RORA: variants seen among roughly 807,000 people sequenced by gnomAD.
RORA encodes RAR related orphan receptor A.
RORA carries 7 observed loss-of-function variants against 69.5 expected under a neutral mutation model. The observed-to-expected ratio is 0.10, with a 90% CI of 0.06 to 0.19. The LOEUF (loss-of-function observed/expected upper bound fraction) is 0.19. RORA is among the 10% of genes least tolerant of loss of function. The pLI, the probability that RORA is intolerant of heterozygous loss-of-function variation, is 1.00. For missense variants in RORA, 457 were observed against 663.0 expected (o/e 0.69, Z 3.41); for synonymous variants, 261 against 240.8 (o/e 1.08, Z -0.78).
At chr15:60,929,021 C>A (rs1228050584) in intron 1 of RORA, among the ~76,000 whole-genome samples, 14 of 152,020 alleles carry the variant, frequency 9.2e-5, no homozygotes, top group Non-Finnish European at 1.8e-4. Flanking sequence ...CACTTGTGTG[C>A]CCCGCTCCCA....
chr15:61,167,360 GTTAC>G (rs2079547139), intron 1 of RORA, among the ~76,000 whole-genome samples: 2 of 151,996 alleles, frequency 1.3e-5, no homozygotes, highest in African/African-American at 2.4e-5. Flanking sequence ...ACAATTTTGA[GTTAC>G]TTAAAGAATG....
chr15:61,122,227 T>G (rs1440283121), intron 1 of RORA, among the ~76,000 whole-genome samples: 1 of 152,180 alleles, frequency 6.6e-6, no homozygotes, highest in African/African-American at 2.4e-5. Context: ...CCACATTATT[T>G]CTTCACTCCC....
intron 1 of RORA, among the ~76,000 whole-genome samples, chr15:60,688,606 AGTGAAAGT>A (rs2070780298): frequency 6.6e-6 from 1 of 152,202 alleles, no homozygotes; most frequent in South Asian, 2.1e-4. Flanking sequence ...TGAAGTCTGA[AGTGAAAGT>A]GTGATAGCAT....
chr15:60,638,496 G>A (rs2069881144), intron 2 of RORA, among the ~76,000 whole-genome samples: 2 of 150,170 alleles, frequency 1.3e-5, no homozygotes, highest in Admixed American at 6.7e-5. Flanking sequence ...GAAGTGCAAA[G>A]TTACAAAAAG....
chr15:60,874,947 A>G (rs1160957269), intron 1 of RORA, among the ~76,000 whole-genome samples: 1 of 152,202 alleles, frequency 6.6e-6, no homozygotes, highest in Non-Finnish European at 1.5e-5. Flanking sequence ...CCAGGTAAAC[A>G]TTTATCAGGG....
intron 2 of RORA, among the ~76,000 whole-genome samples, chr15:60,580,192 A>G (rs1255663269): frequency 3.3e-5 from 5 of 152,190 alleles, no homozygotes; most frequent in Admixed American, 6.5e-5. Flanking sequence ...GGCATTTTGG[A>G]GTACACATGA....
chr15:61,064,166 C>A (rs2078224964), intron 1 of RORA, among the ~76,000 whole-genome samples: 1 of 152,104 alleles, frequency 6.6e-6, no homozygotes, highest in Non-Finnish European at 1.5e-5. Flanking sequence ...TGTAATTAGC[C>A]CTCTGCCTAC....
intron 1 of RORA, among the ~76,000 whole-genome samples, chr15:60,845,810 G>A (rs1460064744): frequency 6.6e-6 from 1 of 152,136 alleles, no homozygotes; most frequent in Non-Finnish European, 1.5e-5. Context: ...GCAGTGGTGC[G>A]ATCTCCGCTC....
chr15:61,139,708 A>G (rs1428697784), intron 1 of RORA, among the ~76,000 whole-genome samples: 1 of 152,180 alleles, frequency 6.6e-6, no homozygotes, highest in Non-Finnish European at 1.5e-5. Flanking sequence ...TCTTAATGAA[A>G]TCGAGAGAGT....
At chr15:60,811,155 A>G (rs2072738098) in intron 1 of RORA, among the ~76,000 whole-genome samples, 1 of 152,184 alleles carries the variant, frequency 6.6e-6, no homozygotes, top group Non-Finnish European at 1.5e-5. Flanking sequence ...CACACTACCC[A>G]AAGGATAATT....
At position 60,816,604 on chromosome 15, in the gene RORA, A is replaced by G. The variant is rs551175065; in HGVS notation, c.167-137918T>C. On this transcript the variant is annotated intron_variant, in intron 1 of 10. Coordinates refer to ENST00000335670, the MANE Select transcript of RORA (RefSeq NM_134261.3). The stretch of plus-strand genomic sequence containing the variant: ...TACTGTAAACAGTATATGTATTTAT[A>G]TACTGTAAACAGTATATATTTTATA... Among the ~76,000 whole-genome samples the G allele has an allele frequency of 1.2e-4, 18 of 147,682 alleles. 1 individual carries two copies. The highest frequency in any genetic ancestry group is 1.0e-3 in the Admixed American group (15 of 14,620).
chr15:60,808,236 C>A (rs1362141624), intron 1 of RORA, among the ~76,000 whole-genome samples: 2 of 152,018 alleles, frequency 1.3e-5, no homozygotes, highest in East Asian at 3.8e-4. Flanking sequence ...ACAATCCCAT[C>A]AAAAAGTGGG....
intron 1 of RORA, among the ~76,000 whole-genome samples, chr15:60,968,817 A>G (rs1005548800): frequency 2.6e-5 from 4 of 152,210 alleles, no homozygotes; most frequent in African/African-American, 9.6e-5. Flanking sequence ...GCATCAGTAC[A>G]TTACAACCAC....
chr15:60,758,021 G>T (rs2071827358), intron 1 of RORA, among the ~76,000 whole-genome samples: 2 of 152,158 alleles, frequency 1.3e-5, no homozygotes, highest in South Asian at 4.1e-4. Context: ...TCCAAGACAG[G>T]ATCTTCCAAT....
chr15:61,168,717 C>A (rs540383308), intron 1 of RORA, among the ~76,000 whole-genome samples: 7 of 152,258 alleles, frequency 4.6e-5, no homozygotes, highest in African/African-American at 1.7e-4. Flanking sequence ...GTTCCCCTCA[C>A]CAGGAGTCTG....
In RORA at chr15:61,131,377, C is replaced by G. The variant is rs2079188418; in HGVS notation, c.166+97676G>C. Among the ~76,000 whole-genome samples, 2 of 152,262 alleles carry G rather than the reference C, an allele frequency of 1.3e-5. No individual in the cohort carries two copies. The highest frequency in any genetic ancestry group is 4.8e-5 in the African/African-American group (2 of 41,476). On this transcript the variant is annotated intron_variant, in intron 1 of 10. Transcript: ENST00000335670. This position sits in a 1 kb window ranked among gnomAD's most constrained non-coding sequence, Gnocchi z 4.2. ...ATCTAGACTCTTTCATCAGAGACTT[C>G]TAGCAGATTTCAGCAGCATTTGCTG...
intron 2 of RORA, among the ~76,000 whole-genome samples, chr15:60,589,115 A>C (rs2068422281): frequency 6.6e-6 from 1 of 152,320 alleles, no homozygotes; most frequent in Admixed American, 6.5e-5. Flanking sequence ...TTCCCATCAC[A>C]AGTAACAAAA....
intron 1 of RORA, among the ~76,000 whole-genome samples, chr15:61,137,072 AAAG>A: frequency 6.7e-6 from 1 of 149,552 alleles, no homozygotes; most frequent in African/African-American, 2.5e-5. Flanking sequence ...AGAAAGAAAG[AAAG>A]AAAGAAAGAA....
chr15:60,778,689 C>T (rs894743351), intron 1 of RORA, among the ~76,000 whole-genome samples: 1 of 152,136 alleles, frequency 6.6e-6, no homozygotes, highest in African/African-American at 2.4e-5. Flanking sequence ...AATTCTCCCA[C>T]CCTTACCCCT....
Sources: allele counts gnomAD v4.1 joint callset (sites outside exome capture counted in the v4.1 genomes callset), GRCh38; gene constraint gnomAD v4.1.1; non-coding constraint Gnocchi (gnomAD v3.1); transcripts MANE v1.5; gene names NCBI Gene and HGNC (gene_info 2026-07-23, HGNC 2026-07-21).